Variants in SNX8 observed in about 807,000 individuals in gnomAD.
The protein encoded by SNX8 is sorting nexin-8.
SNX8 carries 25 observed loss-of-function variants against 51.6 expected under a neutral mutation model. The observed-to-expected ratio is 0.48, with a 90% CI of 0.35 to 0.68. SNX8 has a LOEUF of 0.68. SNX8 is among the 30% of genes least tolerant of loss of function. The pLI is 0.00. For synonymous variants in SNX8, 324 were observed against 277.0 expected, an observed-to-expected ratio of 1.17 and a Z score of -1.68; for missense variants, 695 against 624.0, an observed-to-expected ratio of 1.11 and a Z score of -1.21.
chr7:2,297,025 A>G (rs189139299), intron 1 of SNX8, among the ~76,000 whole-genome samples: 6 of 152,166 alleles, frequency 3.9e-5, no homozygotes, highest in African/African-American at 1.2e-4. Context: ...TAAAACCACA[A>G]TGAGATAGTA....
intron 1 of SNX8, among the ~76,000 whole-genome samples, chr7:2,303,253 C>T (rs1348123839): frequency 2.1e-5 from 3 of 144,524 alleles, no homozygotes; most frequent in Admixed American, 6.7e-5. Context: ...GCCCCCCGCC[C>T]GGCCAGCCGC....
rs545310525 is a variant in SNX8 at position 2,256,555 on chromosome 7, CCTT to C, written c.1284+316_1284+318del. Among the ~76,000 whole-genome samples, 5 of 152,374 alleles carry C rather than the reference CCTT, an allele frequency of 3.3e-5. No homozygotes were observed. In the East Asian group the frequency reaches 7.7e-4, roughly 24 times the overall value. On this transcript the variant is annotated intron_variant, in intron 10 of 10. Transcript: ENST00000222990. Reference sequence around the variant, plus strand: ...CTGCGGCGCTCCGAAGCGCTAGAAACCTTCTCTCAGCCGCAGGGTGCGGGAGCT... The same window carrying C: ...CTGCGGCGCTCCGAAGCGCTAGAAACCTCTCAGCCGCAGGGTGCGGGAGCT...
At chr7:2,286,362 C>G (rs1474153088) in intron 1 of SNX8, among the ~76,000 whole-genome samples, 1 of 152,010 alleles carries the variant, frequency 6.6e-6, no homozygotes, top group African/African-American at 2.4e-5. Flanking sequence ...TTTCATTAAC[C>G]TTTAGGTTTA....
intron 1 of SNX8, among the ~76,000 whole-genome samples, chr7:2,305,922 T>C (rs1010121187): frequency 6.6e-6 from 1 of 151,856 alleles, no homozygotes; most frequent in African/African-American, 2.4e-5. Context: ...CTCTACAAAA[T>C]AAAAAATAAA....
chr7:2,314,245 C>G, intron 1 of SNX8, 83 bp downstream of exon 1: 1 of 1,202,024 alleles, frequency 8.3e-7, no homozygotes, highest in Non-Finnish European at 1.0e-6. Flanking sequence ...GGGGACCAAG[C>G]GCGGCGGCTG....
At chr7:2,256,792 C>A in intron 10 of SNX8, 82 bp downstream of exon 10, 1 of 1,463,150 alleles carries the variant, frequency 6.8e-7, no homozygotes, top group Non-Finnish European at 9.2e-7. Context: ...CGGCCGGCCA[C>A]CGCGCTGCCG....
At chr7:2,298,130 A>G (rs79462412) in intron 1 of SNX8, among the ~76,000 whole-genome samples, 3,402 of 152,066 alleles carry the variant, frequency 0.022, 189 homozygotes, top group African/African-American at 0.077. Context: ...TTATTTTTAG[A>G]GAGGATCTCG....
intron 1 of SNX8, among the ~76,000 whole-genome samples, chr7:2,305,356 G>C (rs988625210): frequency 6.6e-6 from 1 of 151,992 alleles, no homozygotes; most frequent in Non-Finnish European, 1.5e-5. Context: ...CCAACATTTT[G>C]TATTTTTGTT....
At position 2,278,208 on chromosome 7, in the gene SNX8, C is replaced by G. The variant is rs1584692708; in HGVS notation, c.192G>C (p.Leu64=). 1 of 1,613,602 alleles carries G rather than the reference C, an allele frequency of 6.2e-7. No individual in the cohort carries two copies. The highest frequency in any genetic ancestry group is 8.5e-7 in the Non-Finnish European group (1 of 1,179,738). The part of the protein sequence containing the change: ...MQMPQGNPLL[L]SHTLQELLAR... ...CCAGCAGCTCCTGCAGGGTGTGGGA[C>G]AGCAGCAGCGGGTTCCCCTGCGGCA... The change falls in exon 2 of 11, where the codon CTG becomes CTC. Residue 64 remains leucine, a synonymous_variant. Transcript: ENST00000222990.
At chr7:2,349,432 T>C (rs773481243) in intron 1 of SNX8, among the ~76,000 whole-genome samples, 11 of 151,850 alleles carry the variant, frequency 7.2e-5, no homozygotes, top group African/African-American at 1.2e-4. Context: ...CTACCCCCTA[T>C]ATTTTTAATT....
Position 2,302,870 on chromosome 7 carries a change from C to T in SNX8, c.94+11458G>A, listed in dbSNP as rs1291928268. Among the ~76,000 whole-genome samples, 24 of 151,620 alleles carry T rather than the reference C, an allele frequency of 1.6e-4. 1 individual carries two copies. The South Asian group carries it at 2.7e-3, about 17-fold the overall frequency. On this transcript the variant is annotated intron_variant, in intron 1 of 10. Coordinates refer to ENST00000222990, the MANE Select transcript of SNX8 (RefSeq NM_013321.4). ...GTGAGGAGACCCTCTGCCTGGCAACCGCCCCGTCTGAGAAGTGAGGAGCCC... is the reference window on the plus strand; with the variant it reads ...GTGAGGAGACCCTCTGCCTGGCAACTGCCCCGTCTGAGAAGTGAGGAGCCC...
chr7:2,306,585 G>A (rs1239590330), intron 1 of SNX8, among the ~76,000 whole-genome samples: 5 of 151,996 alleles, frequency 3.3e-5, no homozygotes, highest in African/African-American at 7.3e-5. Context: ...AGAAAATTAC[G>A]AAAACTAGCA....
chr7:2,326,672 AAAT>A lies in SNX8; in HGVS notation c.-66+27547_-66+27549del, dbSNP rs200485070. Among the ~76,000 whole-genome samples, 487 of 152,242 alleles carry A rather than the reference AAAT, an allele frequency of 3.2e-3. 6 individuals carry two copies. The highest frequency in any genetic ancestry group is 0.011 in the African/African-American group (465 of 41,576). On this transcript the variant is annotated intron_variant, in intron 1 of 5. Coordinates refer to the SNX8 transcript ENST00000435336. Reference sequence around the variant, plus strand: ...CAGAGTCTCACTCCATCTCAAAAAAAAATAATAATAATTAATTGAATTAAATAA... The same window carrying A: ...CAGAGTCTCACTCCATCTCAAAAAAAAATAATAATTAATTGAATTAAATAA...
At chr7:2,295,727 G>T (rs1448374793) in intron 1 of SNX8, among the ~76,000 whole-genome samples, 1 of 152,046 alleles carries the variant, frequency 6.6e-6, no homozygotes, top group Non-Finnish European at 1.5e-5. Flanking sequence ...ATAGTTTCAG[G>T]TCTTAGATTT....
intron 1 of SNX8, among the ~76,000 whole-genome samples, chr7:2,322,445 A>G (rs1210918613): frequency 6.6e-6 from 1 of 152,130 alleles, no homozygotes; most frequent in African/African-American, 2.4e-5. Flanking sequence ...CTGTAATCCC[A>G]GCACTTTGGG....
chr7:2,349,562 A>G (rs1217355190), intron 1 of SNX8, among the ~76,000 whole-genome samples: 4 of 151,026 alleles, frequency 2.6e-5, no homozygotes, highest in Non-Finnish European at 5.9e-5. Context: ...CTCCTGCCTC[A>G]GCCTCCCAAG....
At chr7:2,348,085 G>T (rs1028573944) in intron 1 of SNX8, among the ~76,000 whole-genome samples, 1 of 152,070 alleles carries the variant, frequency 6.6e-6, no homozygotes. Context: ...TGCTTTTTCG[G>T]CTTCCTACTA....
chr7:2,314,292 T>A (rs2115214583), intron 1 of SNX8, 36 bp downstream of exon 1: 2 of 1,217,824 alleles, frequency 1.6e-6, no homozygotes, highest in Non-Finnish European at 2.0e-6. Flanking sequence ...CCGCGCGCCC[T>A]GGGCAGGTGG....
In SNX8 at chr7:2,264,315, T is replaced by C. The variant is rs1562424251; in HGVS notation, c.765A>G (p.Ile255Met). 1.2e-6 allele frequency: 2 copies of C among 1,611,674 alleles called. No homozygotes were observed. The highest frequency in any genetic ancestry group is 1.7e-6 in the Non-Finnish European group (2 of 1,178,874). Residue 255 changes from isoleucine to methionine, a missense_variant, in exon 6 of 11, where the codon ATA (isoleucine) becomes ATG (methionine). Coordinates refer to ENST00000222990, the MANE Select transcript of SNX8 (RefSeq NM_013321.4). ...RAIDNAADLL[I>M]FGKELSAIGS... ...TCACCTACCTTAGCTCCTTCCCGAATATGAGAAGATCTGCCGCATTGTCGA... is the reference window on the plus strand; with the variant it reads ...TCACCTACCTTAGCTCCTTCCCGAACATGAGAAGATCTGCCGCATTGTCGA...
Sources: gnomAD v4.1 joint callset for allele counts (sites outside exome capture counted in the v4.1 genomes callset) on GRCh38, gnomAD v4.1.1 for gene constraint, MANE v1.5 for transcripts, NCBI Gene and HGNC (gene_info 2026-07-23, HGNC 2026-07-21) for gene names.